Variants in ZNF540 observed in about 807,000 individuals in gnomAD.
ZNF540 encodes zinc finger protein 540.
A neutral mutation model predicts 11.8 loss-of-function variants in ZNF540; 3 were observed. The observed-to-expected ratio is 0.25, with a 90% CI of 0.12 to 0.65. The LOEUF (loss-of-function observed/expected upper bound fraction) is 0.65. Ranked by LOEUF, ZNF540 falls within the 30% of genes least tolerant of loss-of-function variation. ZNF540 has a pLI of 0.83. For synonymous variants in ZNF540, 247 were observed against 259.0 expected (o/e 0.95, Z 0.45); for missense variants, 709 against 793.1 (o/e 0.89, Z 1.27).
intron 1 of ZNF540, among the ~76,000 whole-genome samples, chr19:37,561,526 A>G (rs979026883): frequency 1.3e-5 from 2 of 152,220 alleles, no homozygotes; most frequent in Non-Finnish European, 2.9e-5. Flanking sequence ...ACAATGGGTT[A>G]AACAAAAGAT....
Position 37,598,440 on chromosome 19 carries a change from G to C in ZNF540, c.-8G>C. The C allele has an allele frequency of 6.2e-7, 1 of 1,613,980 alleles. No homozygotes were observed. The highest frequency in any genetic ancestry group is 8.5e-7 in the Non-Finnish European group (1 of 1,179,950). On this transcript the variant is annotated 5_prime_UTR_variant, in exon 2 of 5. Transcript: ENST00000316433. ...GGAAGACTGAGCAGTTCTTGTGAGT[G>C]TAAAACCATGGCCCATGTAAGTCAC...
intron 1 of ZNF540, chr19:37,564,883 T>TGAGCCATAAATAAAGGCCTTGTCA (rs1381656140): frequency 6.2e-7 from 1 of 1,614,094 alleles, no homozygotes; most frequent in Admixed American, 1.7e-5. Flanking sequence ...CACTAAGTTG[T>TGAGCCATAAATAAAGGCCTTGTCA]GAGCCATAAA....
intron 3 of ZNF540, among the ~76,000 whole-genome samples, chr19:37,600,624 A>G (rs1223177565): frequency 6.6e-6 from 1 of 152,188 alleles, no homozygotes; most frequent in Non-Finnish European, 1.5e-5. Context: ...TACAGATGAA[A>G]AAACTGAGGC....
chr19:37,587,743 C>T (rs1037775188), intron 1 of ZNF540, among the ~76,000 whole-genome samples: 2 of 152,076 alleles, frequency 1.3e-5, no homozygotes, highest in African/African-American at 4.8e-5. Flanking sequence ...AGCTTTGAAG[C>T]ACCATAAGCC....
chr19:37,573,266 G>A (rs1381682274), intron 1 of ZNF540, among the ~76,000 whole-genome samples: 1 of 151,928 alleles, frequency 6.6e-6, no homozygotes, highest in African/African-American at 2.4e-5. Flanking sequence ...TAAAAGTATT[G>A]GAGATACTGG....
intron 1 of ZNF540, among the ~76,000 whole-genome samples, chr19:37,572,412 A>AT (rs1568347390): frequency 6.6e-6 from 1 of 152,202 alleles, no homozygotes; most frequent in Non-Finnish European, 1.5e-5. Context: ...ATCCTACTCC[A>AT]TCTTGCTCAA....
At chr19:37,611,489 G>T in intron 4 of ZNF540, 24 bp from the exon 5 acceptor site, 1 of 1,537,290 alleles carries the variant, frequency 6.5e-7, no homozygotes, top group South Asian at 1.3e-5. Flanking sequence ...AATAATTTTT[G>T]TTTGCTTTTA....
At chr19:37,557,615 C>G (rs1033151983) in intron 1 of ZNF540, among the ~76,000 whole-genome samples, 1 of 152,180 alleles carries the variant, frequency 6.6e-6, no homozygotes, top group African/African-American at 2.4e-5. Flanking sequence ...TCCGCCTTCT[C>G]TAGGGGCACA....
intron 1 of ZNF540, chr19:37,565,089 A>G (rs1289914441): frequency 6.2e-7 from 1 of 1,613,366 alleles, no homozygotes; most frequent in Middle Eastern, 1.6e-4. Flanking sequence ...TTACATTCAA[A>G]GGGTTTCTCA....
intron 1 of ZNF540, among the ~76,000 whole-genome samples, chr19:37,568,319 C>CA (rs1027947983): frequency 2.0e-5 from 3 of 148,042 alleles, no homozygotes; most frequent in Non-Finnish European, 4.5e-5. Flanking sequence ...AAGCAACTAC[C>CA]CCCCCCCACT....
At chr19:37,564,617 T>G (rs760232408) in intron 1 of ZNF540, 1 of 1,543,614 alleles carries the variant, frequency 6.5e-7, no homozygotes, top group East Asian at 2.3e-5. Context: ...AAGCCTTGTA[T>G]GTTGAGTAAG....
intron 1 of ZNF540, among the ~76,000 whole-genome samples, chr19:37,557,903 G>C (rs1429134692): frequency 6.7e-6 from 1 of 148,880 alleles, no homozygotes; most frequent in African/African-American, 2.6e-5. Flanking sequence ...TGCTTGGCTC[G>C]CAGACAACTT....
intron 1 of ZNF540, chr19:37,585,287 G>T (rs1362135238): frequency 6.6e-6 from 1 of 152,204 alleles, no homozygotes; most frequent in Non-Finnish European, 1.5e-5. Flanking sequence ...CTGACTCAAT[G>T]ATAAAGAAAA....
chr19:37,566,108 TA>T, intron 1 of ZNF540: 3 of 1,614,092 alleles, frequency 1.9e-6, no homozygotes, highest in Non-Finnish European at 2.5e-6. Context: ...GACACACATG[TA>T]AAGCCCTTCC....
intron 1 of ZNF540, chr19:37,597,695 G>A (rs903082256): frequency 2.0e-5 from 3 of 152,370 alleles, no homozygotes; most frequent in African/African-American, 7.2e-5. Context: ...CCAAAGTGCT[G>A]GGATTATAGG....
At chr19:37,579,715 G>A in intron 1 of ZNF540, among the ~76,000 whole-genome samples, 1 of 152,142 alleles carries the variant, frequency 6.6e-6, no homozygotes, top group Admixed American at 6.5e-5. Flanking sequence ...AAAGCCACCA[G>A]CCATATCTAA....
In ZNF540 at chr19:37,576,253, C is replaced by G. The variant is rs142151955; in HGVS notation, c.-72-22123C>G. 1.5e-3 allele frequency among the ~76,000 whole-genome samples: 232 copies of G among 152,208 alleles called. 2 individuals carry two copies. Among genetic ancestry groups the G allele is most frequent in the African/African-American group, 5.4e-3 (226 of 41,510 alleles). The stretch of plus-strand genomic sequence containing the variant: ...TGAGAGAGAATTTTCCACATATAAG[C>G]TAATGTAGCTTAATTCACAAAGCAA... On this transcript the variant is annotated intron_variant, in intron 1 of 4. Transcript: ENST00000592533.
intron 1 of ZNF540, chr19:37,565,366 C>G: frequency 6.2e-7 from 1 of 1,613,784 alleles, no homozygotes; most frequent in Non-Finnish European, 8.5e-7. Context: ...TATGAATTCT[C>G]TGATGTTCAT....
intron 1 of ZNF540, among the ~76,000 whole-genome samples, chr19:37,584,830 G>A (rs151173287): frequency 0.026 from 3,896 of 152,124 alleles, 171 homozygotes; most frequent in African/African-American, 0.088. Context: ...CGGGCGTGAT[G>A]GTGGGCACCT....
Sources: allele counts gnomAD v4.1 joint callset (sites outside exome capture counted in the v4.1 genomes callset), GRCh38; gene constraint gnomAD v4.1.1; transcripts MANE v1.5; gene names NCBI Gene and HGNC (gene_info 2026-07-23, HGNC 2026-07-21).